The following PTPRO variants were observed in gnomAD, a reference collection of about 807,000 sequenced individuals.
PTPRO encodes protein tyrosine phosphatase receptor type O, also known as receptor-type tyrosine-protein phosphatase O.
PTPRO carries 62 observed loss-of-function variants against 145.2 expected under a neutral mutation model. That is an observed-to-expected ratio of 0.43 (90% CI 0.35 to 0.53). PTPRO has a LOEUF of 0.53. Ranked by LOEUF, PTPRO falls within the 20% of genes least tolerant of loss-of-function variation. The pLI is 0.01. For missense variants in PTPRO, 1,345 were observed against 1,482.7 expected, an observed-to-expected ratio of 0.91 and a Z score of 1.53; for synonymous variants, 565 against 514.7, an observed-to-expected ratio of 1.10 and a Z score of -1.32.
At chr12:15,450,911 T>C (rs1408014771) in intron 1 of PTPRO, among the ~76,000 whole-genome samples, 1 of 151,878 alleles carries the variant, frequency 6.6e-6, no homozygotes, top group Admixed American at 6.6e-5. Flanking sequence ...ACAGGACCTA[T>C]AAAACAACAA....
intron 19 of PTPRO, among the ~76,000 whole-genome samples, chr12:15,577,336 A>G (rs1944208984): frequency 1.3e-5 from 2 of 152,336 alleles, no homozygotes; most frequent in South Asian, 2.1e-4. Context: ...CATTAAGCGC[A>G]AGGTAATTTG....
chr12:15,351,167 G>T (rs539477316), intron 1 of PTPRO, among the ~76,000 whole-genome samples: 1 of 152,024 alleles, frequency 6.6e-6, no homozygotes, highest in Non-Finnish European at 1.5e-5. Context: ...CCAGGATGCC[G>T]ACTAACAGCT....
At chr12:15,437,130 G>A (rs1052995287) in intron 1 of PTPRO, among the ~76,000 whole-genome samples, 1 of 151,594 alleles carries the variant, frequency 6.6e-6, no homozygotes, top group African/African-American at 2.4e-5. Flanking sequence ...GAGGGTCTCT[G>A]TGCTCCATGC....
rs529361865 is a variant in PTPRO at position 15,417,250 on chromosome 12, A to G, written c.76-66724A>G. ...CATCATAAGTCAAAAAATACATTTA[A>G]TACCCTGATAAGCCCATCATAAAGT... On this transcript the variant is annotated intron_variant, in intron 1 of 26. Transcript: ENST00000281171. Among the ~76,000 whole-genome samples the G allele has an allele frequency of 4.0e-5, 6 of 151,868 alleles. 1 individual carries two copies. In the South Asian group the frequency reaches 1.0e-3, roughly 26 times the overall value.
rs190750697 is a variant in PTPRO at position 15,352,466 on chromosome 12, C to T, written c.75+29665C>T. Among the ~76,000 whole-genome samples, 658 of 151,922 alleles carry T rather than the reference C, an allele frequency of 4.3e-3. 4 individuals carry two copies. Among genetic ancestry groups the T allele is most frequent in the Middle Eastern group, 0.01 (3 of 294 alleles). On this transcript the variant is annotated intron_variant, in intron 1 of 26. Coordinates refer to ENST00000281171, the MANE Select transcript of PTPRO (RefSeq NM_030667.3). ...GAGATCTAGACCATCTTGGCTAACACGGTGAAACCCCATCTCTACTAAAAA... is the reference window on the plus strand; with the variant it reads ...GAGATCTAGACCATCTTGGCTAACATGGTGAAACCCCATCTCTACTAAAAA...
intron 1 of PTPRO, among the ~76,000 whole-genome samples, chr12:15,437,060 C>T (rs1940615660): frequency 6.6e-6 from 1 of 151,870 alleles, no homozygotes; most frequent in South Asian, 2.1e-4. Flanking sequence ...GGAACACCTG[C>T]TTGCCTGGAC....
At chr12:15,458,928 T>A (rs253803) in intron 1 of PTPRO, among the ~76,000 whole-genome samples, 140,784 of 152,094 alleles carry the variant, frequency 0.93, 65,950 homozygotes, top group East Asian at 1. Flanking sequence ...CTGGATGTTA[T>A]ACAAAACAGC....
At chr12:15,411,296 T>A (rs1939791583) in intron 1 of PTPRO, among the ~76,000 whole-genome samples, 1 of 152,218 alleles carries the variant, frequency 6.6e-6, no homozygotes, top group Non-Finnish European at 1.5e-5. Context: ...TTGCTTCCAT[T>A]GTCTACACAA....
chr12:15,594,542 T>C (rs1211500606), intron 25 of PTPRO, among the ~76,000 whole-genome samples: 1 of 151,836 alleles, frequency 6.6e-6, no homozygotes, highest in African/African-American at 2.4e-5. Context: ...TATATATGTA[T>C]ATATACACAC....
chr12:15,390,911 C>T (rs534927968), intron 1 of PTPRO, among the ~76,000 whole-genome samples: 1 of 152,278 alleles, frequency 6.6e-6, no homozygotes, highest in African/African-American at 2.4e-5. Flanking sequence ...GTCAAGGTGC[C>T]AGACCATTCA....
chr12:15,361,717 C>T (rs981946367), intron 1 of PTPRO, among the ~76,000 whole-genome samples: 3 of 152,092 alleles, frequency 2.0e-5, no homozygotes, highest in Non-Finnish European at 4.4e-5. Context: ...GTTATGTGGA[C>T]GTTTGGCAAA....
Position 15,508,563 on chromosome 12 carries a change from A to C in PTPRO, c.1268-8A>C. 2 of 1,613,786 alleles carry C rather than the reference A, an allele frequency of 1.2e-6. No individual in the cohort carries two copies. Among genetic ancestry groups the C allele is most frequent in the South Asian group, 1.1e-5 (1 of 91,026 alleles). The stretch of plus-strand genomic sequence containing the variant: ...AGCCTCCCCTGTGTTCCAATTTGAA[A>C]TGTGCAGGTCCTTCAGGAGAGTGGA... On this transcript the variant is annotated splice_polypyrimidine_tract_variant and splice_region_variant and intron_variant, in intron 6 of 26. Transcript: ENST00000281171.
intron 5 of PTPRO, 130 bp from the exon 6 acceptor site, chr12:15,503,778 G>A (rs1942266638): frequency 4.6e-6 from 3 of 654,000 alleles, no homozygotes; most frequent in African/African-American, 1.8e-5. Flanking sequence ...TAGTTTAGAG[G>A]TGTAATTGAA....
At chr12:15,450,405 C>T (rs1003974650) in intron 1 of PTPRO, among the ~76,000 whole-genome samples, 1 of 152,182 alleles carries the variant, frequency 6.6e-6, no homozygotes, top group Non-Finnish European at 1.5e-5. Flanking sequence ...AATGATTTGA[C>T]TACTTTATAG....
rs116628540 is a variant in PTPRO at position 15,440,460 on chromosome 12, C to T, written c.76-43514C>T. ...AAGCCTGAAAAAAAAATACAAGGCT[C>T]ATCAGTCTGCTGTGTTCATGAAACC... On this transcript the variant is annotated intron_variant, in intron 1 of 26. Transcript: ENST00000281171. 297 of 222,718 alleles carry T rather than the reference C, an allele frequency of 1.3e-3. 2 individuals carry two copies. The highest frequency in any genetic ancestry group is 6.5e-3 in the African/African-American group (277 of 42,502). The allele number at this position is 222,718 out of a possible 1,614,324, so 13.8% of individuals were successfully genotyped here.
intron 1 of PTPRO, among the ~76,000 whole-genome samples, chr12:15,366,555 TTTAG>T (rs1394309068): frequency 6.6e-6 from 1 of 152,186 alleles, no homozygotes; most frequent in Non-Finnish European, 1.5e-5. Flanking sequence ...CAATGAAGAT[TTTAG>T]TTAGACAAAA....
intron 1 of PTPRO, among the ~76,000 whole-genome samples, chr12:15,341,180 A>T (rs987886808): frequency 2.0e-5 from 3 of 152,208 alleles, no homozygotes; most frequent in Admixed American, 1.3e-4. Context: ...GAACAACATT[A>T]ACTCTTAATA....
At chr12:15,573,625 G>C (rs1262891367) in intron 19 of PTPRO, among the ~76,000 whole-genome samples, 2 of 152,036 alleles carry the variant, frequency 1.3e-5, no homozygotes, top group Non-Finnish European at 2.9e-5. Flanking sequence ...ACTCTCTAGG[G>C]CTCTGTTTTA....
intron 1 of PTPRO, among the ~76,000 whole-genome samples, chr12:15,408,162 AT>A (rs1327123805): frequency 6.6e-6 from 1 of 151,918 alleles, no homozygotes; most frequent in Non-Finnish European, 1.5e-5. Context: ...GGGGTGGGTG[AT>A]TTTTAAAGAT....
Sources: gnomAD v4.1 joint callset for allele counts (sites outside exome capture counted in the v4.1 genomes callset) on GRCh38, gnomAD v4.1.1 for gene constraint, MANE v1.5 for transcripts, NCBI Gene and HGNC (gene_info 2026-07-23, HGNC 2026-07-21) for gene names.